Variants in KIF26B observed in about 807,000 individuals in gnomAD.
KIF26B encodes kinesin family member 26B.
Under a neutral mutation model 151.2 loss-of-function variants are expected in KIF26B, and 63 were observed. That is an observed-to-expected ratio of 0.42 (90% confidence interval 0.34 to 0.51). KIF26B has a LOEUF of 0.51. KIF26B is among the 20% of genes least tolerant of loss of function. The pLI, the probability that KIF26B is intolerant of heterozygous loss-of-function variation, is 0.07. For synonymous variants in KIF26B, 1,357 were observed against 1,262.1 expected, an observed-to-expected ratio of 1.08 and a Z score of -1.59; for missense variants, 2,813 against 2,913.6, an observed-to-expected ratio of 0.97 and a Z score of 0.79.
chr1:245,171,705 G>A (rs1050939896), intron 2 of KIF26B, among the ~76,000 whole-genome samples: 1 of 152,168 alleles, frequency 6.6e-6, no homozygotes, highest in Non-Finnish European at 1.5e-5. Flanking sequence ...GGCATAGAGG[G>A]AACCTACAGG....
chr1:245,502,938 C>G (rs976961495), intron 4 of KIF26B, among the ~76,000 whole-genome samples: 1 of 151,046 alleles, frequency 6.6e-6, no homozygotes, highest in Non-Finnish European at 1.5e-5. Flanking sequence ...CTCAGCTCAT[C>G]GCAATCTCTG....
chr1:245,682,730 C>T (rs1262987744), intron 10 of KIF26B, among the ~76,000 whole-genome samples: 1 of 152,020 alleles, frequency 6.6e-6, no homozygotes, highest in African/African-American at 2.4e-5. Flanking sequence ...CACAACCTAA[C>T]TGAGCAGAAC....
At chr1:245,617,029 A>G (rs2043598495) in intron 9 of KIF26B, among the ~76,000 whole-genome samples, 1 of 152,224 alleles carries the variant, frequency 6.6e-6, no homozygotes, top group African/African-American at 2.4e-5. Flanking sequence ...ACATGGGCAC[A>G]CATCTGTGCT....
At chr1:245,155,549 T>C in intron 1 of KIF26B, 62 bp downstream of exon 1, 2 of 1,416,646 alleles carry the variant, frequency 1.4e-6, no homozygotes, top group Non-Finnish European at 9.8e-7. Context: ...GAGGTCCCCC[T>C]TTCCCCGGGA....
Position 245,566,436 on chromosome 1 carries a change from T to C in KIF26B, c.1350+25486T>C, listed in dbSNP as rs1404605688. On this transcript the variant is annotated intron_variant, in intron 5 of 14. Coordinates refer to ENST00000407071, the MANE Select transcript of KIF26B (RefSeq NM_018012.4). The stretch of plus-strand genomic sequence containing the variant: ...CAGTTACTGGCAAATTCAATGATAA[T>C]TGTGCTCACTGTATAAAATACTTTC... 2.6e-5 allele frequency among the ~76,000 whole-genome samples: 4 copies of C among 152,248 alleles called. No individual in the cohort carries two copies. In the East Asian group the frequency reaches 7.7e-4, roughly 29 times the overall value.
chr1:245,439,957 C>T (rs953027458), intron 4 of KIF26B, among the ~76,000 whole-genome samples: 1 of 152,208 alleles, frequency 6.6e-6, no homozygotes, highest in South Asian at 2.1e-4. Context: ...TGCGGTGGCT[C>T]ACGCCTGTAA....
chr1:245,418,216 C>T (rs1044769428), intron 3 of KIF26B, among the ~76,000 whole-genome samples: 5 of 152,266 alleles, frequency 3.3e-5, no homozygotes, highest in South Asian at 4.1e-4. Context: ...CAAAGGAAGC[C>T]GGAGGAGAGG....
intron 4 of KIF26B, among the ~76,000 whole-genome samples, chr1:245,510,395 G>A (rs1044139971): frequency 2.6e-5 from 4 of 152,128 alleles, no homozygotes; most frequent in Non-Finnish European, 5.9e-5. Context: ...CAAAACCTGG[G>A]TTCCATCAGC....
Position 245,495,457 on chromosome 1 carries a change from A to G in KIF26B, c.1167-45310A>G, listed in dbSNP as rs74154412. On this transcript the variant is annotated intron_variant, in intron 4 of 14. Transcript: ENST00000407071. This position sits in a 1 kb window ranked among gnomAD's most constrained non-coding sequence, Gnocchi z 4.2. ...TCAAATCATGGTAATCAGCATATCT[A>G]TCAACTCAAACATTTATCATGTCTT... Among the ~76,000 whole-genome samples the G allele has an allele frequency of 0.069, 10,546 of 152,286 alleles. 903 individuals carry two copies. Among genetic ancestry groups the G allele is most frequent in the African/African-American group, 0.2 (8,140 of 41,532 alleles).
In KIF26B at chr1:245,560,843, G is replaced by T. The variant is rs576774248; in HGVS notation, c.1350+19893G>T. The stretch of plus-strand genomic sequence containing the variant: ...ACAGGGACAGCCTCCGCAGACTCCC[G>T]TGTGTGTGCTCTGGAGAGAAAAGAT... On this transcript the variant is annotated intron_variant, in intron 5 of 14. Transcript: ENST00000407071. This position sits in a 1 kb window ranked among gnomAD's most constrained non-coding sequence, Gnocchi z 4.3. Among the ~76,000 whole-genome samples, 17 of 152,266 alleles carry T rather than the reference G, an allele frequency of 1.1e-4. No homozygotes were observed. The highest frequency in any genetic ancestry group is 2.0e-4 in the Admixed American group (3 of 15,292).
intron 4 of KIF26B, among the ~76,000 whole-genome samples, chr1:245,509,830 C>T (rs1660794547): frequency 6.6e-6 from 1 of 152,214 alleles, no homozygotes; most frequent in Admixed American, 6.5e-5. Context: ...TCCCAGCCTG[C>T]CTCACCTGTG....
chr1:245,679,985 G>A (rs568503174), intron 10 of KIF26B, among the ~76,000 whole-genome samples: 1 of 152,032 alleles, frequency 6.6e-6, no homozygotes, highest in South Asian at 2.1e-4. Context: ...CATCCCTCCC[G>A]CCTGGCTCTG....
At chr1:245,248,048 G>A (rs77514988) in intron 2 of KIF26B, among the ~76,000 whole-genome samples, 10,785 of 152,098 alleles carry the variant, frequency 0.071, 621 homozygotes, top group African/African-American at 0.16. Flanking sequence ...CAACACGGCC[G>A]TGCACATCCA....
At chr1:245,519,645 G>A (rs1482082977) in intron 4 of KIF26B, among the ~76,000 whole-genome samples, 2 of 152,062 alleles carry the variant, frequency 1.3e-5, no homozygotes, top group Non-Finnish European at 2.9e-5. Flanking sequence ...AGGTGATTTT[G>A]TTGTTGTTTG....
chr1:245,584,885 G>C (rs1212428334), intron 5 of KIF26B, among the ~76,000 whole-genome samples: 1 of 152,184 alleles, frequency 6.6e-6, no homozygotes, highest in Non-Finnish European at 1.5e-5. Context: ...CTGAGGAATA[G>C]AGTCAGAAGC....
intron 5 of KIF26B, among the ~76,000 whole-genome samples, chr1:245,592,222 C>T (rs1000260916): frequency 1.3e-5 from 2 of 152,228 alleles, no homozygotes; most frequent in Non-Finnish European, 2.9e-5. Flanking sequence ...CTGTCTGGCA[C>T]CACGGGAGCT....
chr1:245,475,229 T>C (rs1660008936), intron 4 of KIF26B, among the ~76,000 whole-genome samples: 1 of 151,872 alleles, frequency 6.6e-6, no homozygotes, highest in South Asian at 2.1e-4. Flanking sequence ...CCTTTTAGAC[T>C]GAGCTGCTCA....
In KIF26B at chr1:245,232,017, A is replaced by G. The variant is rs12047196; in HGVS notation, c.465+75334A>G. On this transcript the variant is annotated intron_variant, in intron 2 of 14. Transcript: ENST00000407071. ...ATCAAACAGAGAGAAGACTAAGGAA[A>G]TTTGTCAAAATAACTGGTGGTTTGA... Among the ~76,000 whole-genome samples the G allele has an allele frequency of 4.1e-3, 627 of 152,358 alleles. 19 individuals carry two copies. In the East Asian group the frequency reaches 0.092, roughly 22 times the overall value.
intron 2 of KIF26B, among the ~76,000 whole-genome samples, chr1:245,171,325 C>T (rs1056877369): frequency 8.5e-5 from 13 of 152,312 alleles, no homozygotes; most frequent in Admixed American, 2.6e-4. Flanking sequence ...GGGCGGATCA[C>T]GATGTCGGGA....
Sources: gnomAD v4.1 joint callset for allele counts (sites outside exome capture counted in the v4.1 genomes callset) on GRCh38, gnomAD v4.1.1 for gene constraint, Gnocchi (gnomAD v3.1) non-coding constraint, MANE v1.5 for transcripts, NCBI Gene and HGNC (gene_info 2026-07-23, HGNC 2026-07-21) for gene names.